Variants in ASIC2 observed in about 807,000 individuals in gnomAD.
ASIC2 encodes the protein acid sensing ion channel subunit 2.
Under a neutral mutation model 57.3 loss-of-function variants are expected in ASIC2, and 25 were observed. The ratio of observed to expected loss-of-function variants is 0.44; its 90% CI spans 0.32 to 0.61. ASIC2 has a LOEUF of 0.61. Ranked by LOEUF, ASIC2 falls within the 20% of genes least tolerant of loss-of-function variation. ASIC2 has a pLI of 0.06. For missense variants in ASIC2, 641 were observed against 738.1 expected, an observed-to-expected ratio of 0.87 and a Z score of 1.52; for synonymous variants, 319 against 307.5, an observed-to-expected ratio of 1.04 and a Z score of -0.39.
intron 1 of ASIC2, among the ~76,000 whole-genome samples, chr17:33,160,214 A>AAAAAAGAAAAG (rs1555575610): frequency 2.0e-3 from 190 of 93,514 alleles, no homozygotes; most frequent in Middle Eastern, 0.016. Context: ...GTTAAAAAAA[A>AAAAAAGAAAAG]AAAAGAAAAG....
chr17:33,783,050 C>T (rs1279699060), intron 1 of ASIC2, among the ~76,000 whole-genome samples: 1 of 152,212 alleles, frequency 6.6e-6, no homozygotes, highest in East Asian at 1.9e-4. Context: ...CAAATGTCCC[C>T]TCAGCAGATT....
At chr17:33,071,807 G>A (rs1567734355) in intron 3 of ASIC2, among the ~76,000 whole-genome samples, 2 of 152,194 alleles carry the variant, frequency 1.3e-5, no homozygotes, top group Non-Finnish European at 2.9e-5. Context: ...ATTATTTCCT[G>A]TTACTGATGC....
intron 1 of ASIC2, among the ~76,000 whole-genome samples, chr17:33,530,684 A>G (rs1915024802): frequency 6.6e-6 from 1 of 152,226 alleles, no homozygotes. Flanking sequence ...GGAACCTAAA[A>G]TACTGATAAA....
At chr17:33,359,282 G>A (rs1480428258) in intron 1 of ASIC2, among the ~76,000 whole-genome samples, 2 of 152,220 alleles carry the variant, frequency 1.3e-5, no homozygotes, top group African/African-American at 2.4e-5. Context: ...TTGAAATGTA[G>A]GTAAGGTGCA....
At chr17:33,856,371 A>T (rs1370534942) in intron 1 of ASIC2, among the ~76,000 whole-genome samples, 2 of 152,214 alleles carry the variant, frequency 1.3e-5, no homozygotes, top group East Asian at 1.9e-4. Context: ...GTATGGTAGC[A>T]GTAGCAGTGC....
At chr17:33,923,236 T>A (rs1320943255) in intron 1 of ASIC2, among the ~76,000 whole-genome samples, 1 of 152,216 alleles carries the variant, frequency 6.6e-6, no homozygotes, top group Non-Finnish European at 1.5e-5. Flanking sequence ...AGGCCATTCC[T>A]CTCAGACCTT....
At chr17:33,460,585 C>T (rs543035770) in intron 1 of ASIC2, among the ~76,000 whole-genome samples, 12 of 152,302 alleles carry the variant, frequency 7.9e-5, no homozygotes, top group Non-Finnish European at 1.2e-4. Flanking sequence ...ATGGGGAAAA[C>T]TAATGGCCAA....
chr17:33,041,610 C>T (rs2091930065), intron 3 of ASIC2, among the ~76,000 whole-genome samples: 1 of 152,234 alleles, frequency 6.6e-6, no homozygotes, highest in Non-Finnish European at 1.5e-5. Flanking sequence ...GGGTTCTAAC[C>T]ACTGGAATTG....
intron 3 of ASIC2, among the ~76,000 whole-genome samples, chr17:33,071,126 T>C (rs1181259679): frequency 2.0e-5 from 3 of 152,174 alleles, no homozygotes; most frequent in Non-Finnish European, 4.4e-5. Flanking sequence ...TGAACTTTTT[T>C]ATGTGGATTT....
intron 1 of ASIC2, among the ~76,000 whole-genome samples, chr17:34,011,286 T>C (rs1331217363): frequency 6.6e-5 from 10 of 152,238 alleles, no homozygotes; most frequent in Non-Finnish European, 1.2e-4. Flanking sequence ...CTTTCTGTTT[T>C]CATGCCCGTG....
chr17:33,745,429 T>A (rs1358706076), intron 1 of ASIC2, among the ~76,000 whole-genome samples: 1 of 147,840 alleles, frequency 6.8e-6, no homozygotes, highest in Non-Finnish European at 1.5e-5. Flanking sequence ...TCAATTTACA[T>A]ATCCAAGAAT....
At chr17:34,128,641 G>T (rs1331949856) in intron 1 of ASIC2, among the ~76,000 whole-genome samples, 1 of 152,158 alleles carries the variant, frequency 6.6e-6, no homozygotes, top group African/African-American at 2.4e-5. Flanking sequence ...CTAGAACTGT[G>T]CGCTAGATAA....
intron 1 of ASIC2, among the ~76,000 whole-genome samples, chr17:34,058,447 A>T (rs1175898425): frequency 6.6e-6 from 1 of 152,194 alleles, no homozygotes; most frequent in Non-Finnish European, 1.5e-5. Context: ...GGTGGTCCTC[A>T]TTCCCAGGAT....
upstream of ASIC2, among the ~76,000 whole-genome samples, chr17:33,296,390 G>A (rs1905723644): frequency 6.6e-6 from 1 of 152,062 alleles, no homozygotes; most frequent in Non-Finnish European, 1.5e-5. Flanking sequence ...GAGGTACTTG[G>A]ACACAATAGC....
rs930928964 is a variant in ASIC2 at position 34,039,474 on chromosome 17, G to A, written c.555+116504C>T. On this transcript the variant is annotated intron_variant, in intron 1 of 9. Coordinates refer to the ASIC2 transcript ENST00000359872. ...CCTCCGTTGCCTCCTTTGCAGCACT[G>A]CCATCTAAACCATAGAGGGGCTGTT... 6.8e-6 allele frequency: 11 copies of A among 1,613,570 alleles called. No individual in the cohort carries two copies. In the African/African-American group the frequency reaches 1.1e-4, roughly 16 times the overall value.
At chr17:34,113,681 C>G (rs916523789) in intron 1 of ASIC2, among the ~76,000 whole-genome samples, 3 of 150,430 alleles carry the variant, frequency 2.0e-5, no homozygotes, top group Non-Finnish European at 4.4e-5. Context: ...AGTTCAAGCA[C>G]AGCTTGAACA....
chr17:33,191,117 C>A (rs1906401005), intron 1 of ASIC2, among the ~76,000 whole-genome samples: 1 of 152,064 alleles, frequency 6.6e-6, no homozygotes, highest in African/African-American at 2.4e-5. Context: ...AAATGGTATA[C>A]CTACACAATA....
chr17:33,442,107 G>A (rs964458349), intron 1 of ASIC2, among the ~76,000 whole-genome samples: 1 of 152,108 alleles, frequency 6.6e-6, no homozygotes, highest in Non-Finnish European at 1.5e-5. Context: ...GGATTAATTT[G>A]GGGGCTCCTG....
rs2091787646 is a variant in ASIC2, at chr17:33,013,283, A to G, written c.*682T>C. ...CCCCAGATAAAAAGAATCAGACTGT[A>G]CAAGCTGTGTCACAGGGAGAGAAGA... On this transcript the variant is annotated 3_prime_UTR_variant, in exon 10 of 10. Transcript: ENST00000225823. The G allele has an allele frequency of 6.5e-6, 1 of 153,084 alleles. No individual in the cohort carries two copies. Among genetic ancestry groups the G allele is most frequent in the Non-Finnish European group, 1.5e-5 (1 of 68,588 alleles). 9.5% of individuals were successfully genotyped at this position (153,084 alleles called of 1,614,324 possible). A position where few individuals can be genotyped will look rare whatever the true frequency, so the allele number is the denominator to read the frequency against.
Sources: allele counts gnomAD v4.1 joint callset (sites outside exome capture counted in the v4.1 genomes callset), GRCh38; gene constraint gnomAD v4.1.1; transcripts MANE v1.5; gene names NCBI Gene and HGNC (gene_info 2026-07-23, HGNC 2026-07-21).